The following PPP6C variants were observed in gnomAD, a reference collection of about 807,000 sequenced individuals.
PPP6C encodes serine/threonine-protein phosphatase 6 catalytic subunit.
A neutral mutation model predicts 39.8 loss-of-function variants in PPP6C; 11 were observed. The ratio of observed to expected loss-of-function variants is 0.28; its 90% CI spans 0.17 to 0.46. PPP6C has a LOEUF of 0.46. Ranked by LOEUF, PPP6C falls within the 20% of genes least tolerant of loss-of-function variation. The pLI is 1.00. For synonymous variants in PPP6C, 129 were observed against 130.3 expected (o/e 0.99, Z 0.07); for missense variants, 211 against 373.9 (o/e 0.56, Z 3.59).
At position 125,160,364 on chromosome 9, in the gene PPP6C, A is replaced by C. The variant is rs192835050; in HGVS notation, c.237+477T>G. ...CATAGTTAAATGTAGAAAAGTATACAATCACCTTGATATGGTTTGGCTGTG... is the reference window on the plus strand; with the variant it reads ...CATAGTTAAATGTAGAAAAGTATACCATCACCTTGATATGGTTTGGCTGTG... On this transcript the variant is annotated intron_variant, in intron 3 of 6. Coordinates refer to ENST00000373547, the MANE Select transcript of PPP6C (RefSeq NM_002721.5). 1.8e-4 allele frequency among the ~76,000 whole-genome samples: 27 copies of C among 152,314 alleles called. No homozygotes were observed. In the East Asian group the frequency reaches 4.8e-3, roughly 27 times the overall value.
intron 6 of PPP6C, chr9:125,151,244 C>T (rs139383116): frequency 7.3e-6 from 11 of 1,502,992 alleles, no homozygotes; most frequent in East Asian, 2.3e-5. Context: ...TGAAGTCGAC[C>T]GCATGGTGCT....
chr9:125,151,115 A>G lies in PPP6C; in HGVS notation c.670-1194T>C, dbSNP rs540162847. The G allele has an allele frequency of 1.6e-5, 22 of 1,369,348 alleles. No homozygotes were observed. In the East Asian group the frequency reaches 2.3e-4, roughly 14 times the overall value. The allele number at this position is 1,369,348 out of a possible 1,614,324, so 84.8% of individuals were successfully genotyped here. A position where few individuals can be genotyped will look rare whatever the true frequency, so the allele number is the denominator to read the frequency against. On this transcript the variant is annotated intron_variant, in intron 6 of 6. Transcript: ENST00000373547. ...GGTGTCCTGAAGTGGATAAGGGAGA[A>G]TATCTCTGAGCAGAAGAACTGCACT...
chr9:125,148,751 C>T lies in PPP6C; in HGVS notation c.*922G>A, dbSNP rs1835865498. ...CTACTCAACTGGTATCAAATTAACA[C>T]ATCAGCATTACAAGTATTAAATGTT... On this transcript the variant is annotated 3_prime_UTR_variant, in exon 7 of 7. Coordinates refer to ENST00000373547, the MANE Select transcript of PPP6C (RefSeq NM_002721.5). 1 of 152,254 alleles carries T rather than the reference C, an allele frequency of 6.6e-6. No individual in the cohort carries two copies. Among genetic ancestry groups the T allele is most frequent in the South Asian group, 2.1e-4 (1 of 4,824 alleles). 9.4% of individuals were successfully genotyped at this position (152,254 alleles called of 1,614,324 possible).
In PPP6C at chr9:125,171,193, A is replaced by C. The variant is rs1829139687; in HGVS notation, c.76-13T>G. 1 of 1,517,950 alleles carries C rather than the reference A, an allele frequency of 6.6e-7. No homozygotes were observed. Among genetic ancestry groups the C allele is most frequent in the East Asian group, 2.3e-5 (1 of 43,482 alleles). The allele number at this position is 1,517,950 out of a possible 1,614,324, so 94.0% of individuals were successfully genotyped here. On this transcript the variant is annotated splice_polypyrimidine_tract_variant and intron_variant, in intron 1 of 6. Transcript: ENST00000373547. ...AGTCACATAGCCGCTATAAAAAGAG[A>C]AAATAAAAGGTAAACATTTACTACA...
intron 2 of PPP6C, among the ~76,000 whole-genome samples, chr9:125,167,125 A>G (rs1385202691): frequency 6.6e-6 from 1 of 151,988 alleles, no homozygotes; most frequent in Admixed American, 6.6e-5. Context: ...TCACACCTGT[A>G]GTCCCAGCAC....
At chr9:125,176,782 G>C (rs1295662872) in intron 1 of PPP6C, among the ~76,000 whole-genome samples, 1 of 152,168 alleles carries the variant, frequency 6.6e-6, no homozygotes, top group South Asian at 2.1e-4. Context: ...CTAGGTAAAA[G>C]TTAACTGGCT....
intron 1 of PPP6C, among the ~76,000 whole-genome samples, chr9:125,183,401 A>T (rs1411024985): frequency 1.3e-5 from 2 of 152,158 alleles, no homozygotes; most frequent in African/African-American, 4.8e-5. Flanking sequence ...TTATTTTGTC[A>T]TATTCCTACC....
At chr9:125,159,552 G>A (rs1375754596) in intron 3 of PPP6C, among the ~76,000 whole-genome samples, 2 of 152,048 alleles carry the variant, frequency 1.3e-5, no homozygotes, top group African/African-American at 4.8e-5. Flanking sequence ...TATTGGAAGA[G>A]TTGCCTACTT....
intron 2 of PPP6C, among the ~76,000 whole-genome samples, chr9:125,167,672 C>G (rs1829052015): frequency 6.6e-6 from 1 of 151,194 alleles, no homozygotes; most frequent in East Asian, 2.0e-4. Context: ...CATTGCACTC[C>G]AGCCTGGATA....
chr9:125,169,848 A>G (rs1463234131), intron 2 of PPP6C, among the ~76,000 whole-genome samples: 2 of 152,188 alleles, frequency 1.3e-5, no homozygotes, highest in Non-Finnish European at 2.9e-5. Flanking sequence ...CAAGTGTCAG[A>G]TTTTTTTATA....
intron 2 of PPP6C, among the ~76,000 whole-genome samples, chr9:125,165,758 G>T (rs564570980): frequency 6.7e-6 from 1 of 148,592 alleles, no homozygotes; most frequent in Admixed American, 6.7e-5. Context: ...AAAGTTAATC[G>T]CAATATGAAA....
intron 1 of PPP6C, 22 bp downstream of exon 1, chr9:125,189,622 C>G (rs755197080): frequency 2.7e-5 from 44 of 1,612,106 alleles, no homozygotes; most frequent in Non-Finnish European, 3.6e-5. Context: ...CCGGAAGGGG[C>G]GAGCCCGCAA....
At chr9:125,166,158 A>G (rs1051004016) in intron 2 of PPP6C, among the ~76,000 whole-genome samples, 3 of 152,138 alleles carry the variant, frequency 2.0e-5, no homozygotes, top group Non-Finnish European at 2.9e-5. Context: ...TAAATGGTAA[A>G]CTAGTAATTT....
At chr9:125,183,606 C>CT (rs1482799283) in intron 1 of PPP6C, among the ~76,000 whole-genome samples, 1 of 152,190 alleles carries the variant, frequency 6.6e-6, no homozygotes, top group Non-Finnish European at 1.5e-5. Flanking sequence ...TGGCATCTTT[C>CT]TTTCCAGTAC....
chr9:125,174,680 C>T (rs541537397), intron 1 of PPP6C, among the ~76,000 whole-genome samples: 4 of 151,774 alleles, frequency 2.6e-5, no homozygotes, highest in African/African-American at 9.7e-5. Flanking sequence ...GAGGCTCAGG[C>T]AGGTGGATCA....
At chr9:125,171,495 ATATATATATATATATATATATG>A (rs1374319063) in intron 1 of PPP6C, among the ~76,000 whole-genome samples, 7 of 99,034 alleles carry the variant, frequency 7.1e-5, no homozygotes, top group East Asian at 3.5e-4. Context: ...ATATATATAT[ATATATATATATATATATATATG>A]AAGAAATAAT....
chr9:125,176,108 G>A (rs1428278327), intron 1 of PPP6C, among the ~76,000 whole-genome samples: 1 of 152,120 alleles, frequency 6.6e-6, no homozygotes, highest in Non-Finnish European at 1.5e-5. Flanking sequence ...AAGGAGGTAA[G>A]GCTATGGGGA....
chr9:125,160,709 G>T (rs2131310701), intron 3 of PPP6C, 132 bp downstream of exon 3: 2 of 592,036 alleles, frequency 3.4e-6, no homozygotes, highest in Non-Finnish European at 5.4e-6. Context: ...CGTGAAAACG[G>T]ACTAATACAC....
At chr9:125,188,793 C>CAATAAAATAATAATAATAAT (rs1554723959) in intron 1 of PPP6C, 1 of 252,976 alleles carries the variant, frequency 4.0e-6, no homozygotes, top group African/African-American at 2.4e-5. Context: ...CAGTTAAAAA[C>CAATAAAATAATAATAATAAT]AATAATAATA....
Sources: allele counts gnomAD v4.1 joint callset (sites outside exome capture counted in the v4.1 genomes callset), GRCh38; gene constraint gnomAD v4.1.1; transcripts MANE v1.5; gene names NCBI Gene and HGNC (gene_info 2026-07-23, HGNC 2026-07-21).